The following SEM1 variants were observed in gnomAD, a reference collection of about 807,000 sequenced individuals.
SEM1 encodes SEM1 26S proteasome subunit.
Under a neutral mutation model 12.7 loss-of-function variants are expected in SEM1, and 3 were observed. The observed-to-expected ratio is 0.24, with a 90% CI of 0.11 to 0.61. SEM1 has a LOEUF of 0.61. Among genes scored for constraint, SEM1 ranks in the 20% least tolerant of loss-of-function variants. SEM1 has a pLI of 0.88. For missense variants in SEM1, 59 were observed against 81.3 expected, an observed-to-expected ratio of 0.73 and a Z score of 1.06; for synonymous variants, 30 against 27.8, an observed-to-expected ratio of 1.08 and a Z score of -0.25.
downstream of SEM1, among the ~76,000 whole-genome samples, chr7:96,617,865 T>C (rs1021897255): frequency 1.3e-5 from 2 of 152,212 alleles, no homozygotes; most frequent in Non-Finnish European, 2.9e-5. Flanking sequence ...TGTTGAACCA[T>C]CCTTGTATCC....
chr7:96,694,741 A>G, intron 2 of SEM1, 57 bp downstream of exon 2: 1 of 1,122,146 alleles, frequency 8.9e-7, no homozygotes, highest in Non-Finnish European at 1.3e-6. Context: ...TGTAAATTAC[A>G]TATTCCATGC....
At chr7:96,582,553 GT>G (rs201783940) in intron 2 of SEM1, among the ~76,000 whole-genome samples, 6,232 of 152,072 alleles carry the variant, frequency 0.041, 295 homozygotes, top group Admixed American at 0.14. Context: ...AATGGTACCA[GT>G]TCCTCCTTGT....
intron 2 of SEM1, among the ~76,000 whole-genome samples, chr7:96,540,769 A>G (rs1242923511): frequency 1.3e-5 from 2 of 151,742 alleles, no homozygotes; most frequent in East Asian, 3.9e-4. Context: ...TCCAGTGTCT[A>G]TTATTGCCAT....
chr7:96,582,653 TG>T (rs888152984), intron 2 of SEM1, among the ~76,000 whole-genome samples: 5 of 151,826 alleles, frequency 3.3e-5, no homozygotes, highest in African/African-American at 1.2e-4. Context: ...TTTCAGCTCC[TG>T]TTATTGGTCT....
chr7:96,520,246 A>G (rs1804229408), intron 2 of SEM1, among the ~76,000 whole-genome samples: 2 of 152,156 alleles, frequency 1.3e-5, no homozygotes, highest in Admixed American at 1.3e-4. Flanking sequence ...GTAGAATGAC[A>G]AAATTCCTAG....
chr7:96,705,927 T>A (rs1790442771), intron 1 of SEM1, among the ~76,000 whole-genome samples: 1 of 152,232 alleles, frequency 6.6e-6, no homozygotes, highest in Middle Eastern at 3.2e-3. Flanking sequence ...TCTAGACTTT[T>A]AAGTTGCCCT....
At chr7:96,588,349 AACAAACACACACACACAC>A (rs1247753484) in intron 2 of SEM1, among the ~76,000 whole-genome samples, 2 of 72,800 alleles carry the variant, frequency 2.7e-5, no homozygotes, top group Non-Finnish European at 5.5e-5. Context: ...CATGTCTAAA[AACAAACACACACACACAC>A]ACACACACAC....
intron 2 of SEM1, among the ~76,000 whole-genome samples, chr7:96,608,235 T>C (rs1408086811): frequency 2.0e-5 from 3 of 152,112 alleles, no homozygotes; most frequent in Non-Finnish European, 4.4e-5. Flanking sequence ...AGCAGAGGAA[T>C]GGAGATTTGT....
chr7:96,666,868 A>T (rs1012004539), intron 2 of SEM1, among the ~76,000 whole-genome samples: 3 of 152,070 alleles, frequency 2.0e-5, no homozygotes, highest in Admixed American at 2.0e-4. Context: ...GCTGTTCCAG[A>T]TCACCCATGT....
At chr7:96,502,289 G>A (rs1563033567) in intron 3 of SEM1, among the ~76,000 whole-genome samples, 1 of 152,074 alleles carries the variant, frequency 6.6e-6, no homozygotes. Flanking sequence ...GTAGTATATG[G>A]CATCTTTATC....
chr7:96,531,103 A>G (rs1804627480), intron 2 of SEM1, among the ~76,000 whole-genome samples: 1 of 152,130 alleles, frequency 6.6e-6, no homozygotes, highest in African/African-American at 2.4e-5. Context: ...GTCATGTTGG[A>G]GATATTATTA....
intron 2 of SEM1, among the ~76,000 whole-genome samples, chr7:96,560,601 G>T (rs1320142557): frequency 6.6e-6 from 1 of 151,192 alleles, no homozygotes; most frequent in Non-Finnish European, 1.5e-5. Context: ...TAATATTTTT[G>T]TCATATGATA....
At chr7:96,504,637 T>A (rs1382751480) in intron 3 of SEM1, among the ~76,000 whole-genome samples, 6 of 152,116 alleles carry the variant, frequency 3.9e-5, no homozygotes, top group African/African-American at 1.4e-4. Flanking sequence ...ATCATGCAAA[T>A]TATAAGAAAA....
At chr7:96,659,309 T>C (rs1271561724) in intron 2 of SEM1, among the ~76,000 whole-genome samples, 1 of 152,030 alleles carries the variant, frequency 6.6e-6, no homozygotes, top group Non-Finnish European at 1.5e-5. Context: ...CTTATAGCAA[T>C]AAGGGAAACT....
downstream of SEM1, chr7:96,687,935 A>G (rs1035197880): frequency 6.6e-6 from 1 of 152,142 alleles, no homozygotes; most frequent in Admixed American, 6.6e-5. Context: ...AAACAGAAAC[A>G]TATTTATGCT....
chr7:96,542,115 AT>A (rs891686947), intron 2 of SEM1, among the ~76,000 whole-genome samples: 1 of 149,998 alleles, frequency 6.7e-6, no homozygotes, highest in African/African-American at 2.4e-5. Flanking sequence ...GAATTTTAGA[AT>A]TTTTTTTCTA....
chr7:96,545,933 C>A (rs1805090031), intron 2 of SEM1, among the ~76,000 whole-genome samples: 1 of 152,072 alleles, frequency 6.6e-6, no homozygotes, highest in Admixed American at 6.6e-5. Flanking sequence ...CTAAAAGATT[C>A]TCTTCCTCCT....
At chr7:96,531,204 T>G (rs954059736) in intron 2 of SEM1, among the ~76,000 whole-genome samples, 5 of 151,536 alleles carry the variant, frequency 3.3e-5, no homozygotes, top group African/African-American at 1.2e-4. Context: ...CATATGAAAA[T>G]TTATGCTCTA....
In SEM1 at chr7:96,663,127, CTTGCT is replaced by C. The variant is rs1789063518; in HGVS notation, c.170+31666_170+31670del. 3.4e-5 allele frequency among the ~76,000 whole-genome samples: 5 copies of C among 144,956 alleles called. No homozygotes were observed. The South Asian group carries it at 6.4e-4, about 19-fold the overall frequency. The stretch of plus-strand genomic sequence containing the variant: ...CCTAGTGCAATAATATGACGCAGAA[CTTGCT>C]TTAAGATATTCCAGGAAAAAAAAAA... On this transcript the variant is annotated intron_variant, in intron 2 of 2. Coordinates refer to the SEM1 transcript ENST00000417009.
Sources: gnomAD v4.1 joint callset for allele counts (sites outside exome capture counted in the v4.1 genomes callset) on GRCh38, gnomAD v4.1.1 for gene constraint, MANE v1.5 for transcripts, NCBI Gene and HGNC (gene_info 2026-07-23, HGNC 2026-07-21) for gene names.